CAMTA1: variants seen among roughly 807,000 people sequenced by gnomAD.
CAMTA1 encodes calmodulin binding transcription activator 1.
CAMTA1 carries 27 observed loss-of-function variants against 170.9 expected under a neutral mutation model. The ratio of observed to expected loss-of-function variants is 0.16; its 90% CI spans 0.12 to 0.22. CAMTA1 has a LOEUF of 0.22. CAMTA1 is among the 10% of genes least tolerant of loss of function. The pLI, the probability that CAMTA1 is intolerant of heterozygous loss-of-function variation, is 1.00. For synonymous variants in CAMTA1, 833 were observed against 891.5 expected (o/e 0.93, Z 1.17); for missense variants, 1,619 against 2,217.2 (o/e 0.73, Z 5.42).
chr1:7,606,093 T>C (rs757129195), intron 6 of CAMTA1, among the ~76,000 whole-genome samples: 3 of 152,212 alleles, frequency 2.0e-5, no homozygotes, highest in Non-Finnish European at 2.9e-5. Context: ...AAGAGGTCAC[T>C]CTGGCAAGTC....
At chr1:7,597,498 CAGA>C (rs2095409178) in intron 6 of CAMTA1, among the ~76,000 whole-genome samples, 1 of 152,140 alleles carries the variant, frequency 6.6e-6, no homozygotes, top group Non-Finnish European at 1.5e-5. Context: ...GTTGCTGCAG[CAGA>C]AGATGTGTTT....
chr1:7,758,745 C>T (rs949804205), intron 22 of CAMTA1, among the ~76,000 whole-genome samples: 4 of 152,098 alleles, frequency 2.6e-5, no homozygotes, highest in African/African-American at 9.6e-5. Flanking sequence ...ACCATCCTGG[C>T]TAACATGGTG....
chr1:7,248,287 G>A lies in CAMTA1; in HGVS notation c.303-1204G>A, dbSNP rs1666136913. 6.6e-6 allele frequency among the ~76,000 whole-genome samples: 1 copy of A among 152,226 alleles called. No homozygotes were observed. The highest frequency in any genetic ancestry group is 2.1e-4 in the South Asian group (1 of 4,836). Reference sequence around the variant, plus strand: ...TGCCCCAGCCCTGCGGGGGACAGATGGCTGACTTATGGTTTCCTCGCCTCC... The same window carrying A: ...TGCCCCAGCCCTGCGGGGGACAGATAGCTGACTTATGGTTTCCTCGCCTCC... On this transcript the variant is annotated intron_variant, in intron 4 of 22. Coordinates refer to ENST00000303635, the MANE Select transcript of CAMTA1 (RefSeq NM_015215.4). This position sits in a 1 kb window ranked among gnomAD's most constrained non-coding sequence, Gnocchi z 4.0.
In CAMTA1 at chr1:7,562,504, C is replaced by T. The variant is rs1043221885; in HGVS notation, c.511-77896C>T. Among the ~76,000 whole-genome samples the T allele has an allele frequency of 2.0e-5, 3 of 152,152 alleles. No individual in the cohort carries two copies. The highest frequency in any genetic ancestry group is 2.1e-4 in the South Asian group (1 of 4,830). ...GCAGACGGCTCTGCCCACTCCCGCC[C>T]GCCTGCGACACCTGTCCTGCTGCTC... On this transcript the variant is annotated intron_variant, in intron 6 of 22. Coordinates refer to ENST00000303635, the MANE Select transcript of CAMTA1 (RefSeq NM_015215.4). The surrounding 1 kb of genome is among the most constrained non-coding windows in gnomAD (Gnocchi z 4.8).
rs1055012196 is a variant in CAMTA1, at chr1:7,113,159, A to C, written c.302+21788A>C. ...TAAATTATTCAGTGAAACCCAGTCT[A>C]ACTTTATTAAGGCCAGAATCATCCT... is the stretch of plus-strand genomic sequence containing the variant. On this transcript the variant is annotated intron_variant, in intron 4 of 22. Coordinates refer to ENST00000303635, the MANE Select transcript of CAMTA1 (RefSeq NM_015215.4). This position sits in a 1 kb window ranked among gnomAD's most constrained non-coding sequence, Gnocchi z 4.5. Among the ~76,000 whole-genome samples the C allele has an allele frequency of 6.6e-6, 1 of 152,212 alleles. No homozygotes were observed. The highest frequency in any genetic ancestry group is 2.4e-5 in the African/African-American group (1 of 41,456).
At chr1:7,475,412 T>C (rs930946356) in intron 6 of CAMTA1, among the ~76,000 whole-genome samples, 1 of 152,166 alleles carries the variant, frequency 6.6e-6, no homozygotes, top group Non-Finnish European at 1.5e-5. Flanking sequence ...TTTGGACCCA[T>C]GTGCTTCAAG....
rs776262445 is a variant in CAMTA1 at position 6,941,603 on chromosome 1, G to A, written c.234+116393G>A. On this transcript the variant is annotated intron_variant, in intron 3 of 22. Coordinates refer to ENST00000303635, the MANE Select transcript of CAMTA1 (RefSeq NM_015215.4). ...CAGTGTTAATGAGCAGGTTAGCGCC[G>A]TGGGCAATTGGGGCCCTTCAGTGAC... Among the ~76,000 whole-genome samples, 43 of 152,220 alleles carry A rather than the reference G, an allele frequency of 2.8e-4. 1 individual carries two copies. Among genetic ancestry groups the A allele is most frequent in the African/African-American group, 3.9e-4 (16 of 41,458 alleles).
chr1:7,417,432 G>A (rs539492236), intron 5 of CAMTA1, among the ~76,000 whole-genome samples: 5 of 152,316 alleles, frequency 3.3e-5, no homozygotes, highest in South Asian at 4.1e-4. Flanking sequence ...CACCCAGTTC[G>A]AGCTTCCCGG....
At chr1:7,259,443 C>T (rs534453843) in intron 5 of CAMTA1, among the ~76,000 whole-genome samples, 1 of 152,260 alleles carries the variant, frequency 6.6e-6, no homozygotes, top group South Asian at 2.1e-4. Flanking sequence ...GAATTTCAGG[C>T]CCCAACCCAG....
intron 4 of CAMTA1, among the ~76,000 whole-genome samples, chr1:7,206,823 C>T (rs1657824065): frequency 6.6e-6 from 1 of 152,152 alleles, no homozygotes; most frequent in South Asian, 2.1e-4. Context: ...GTGCAAATGG[C>T]ACAGAAGCAG....
chr1:7,431,002 C>G (rs947629578), intron 5 of CAMTA1, among the ~76,000 whole-genome samples: 4 of 152,192 alleles, frequency 2.6e-5, no homozygotes, highest in Admixed American at 1.3e-4. Flanking sequence ...TTCAGCCTGA[C>G]TTTAATATGC....
At chr1:6,795,935 A>G (rs962235595) in intron 1 of CAMTA1, among the ~76,000 whole-genome samples, 1 of 152,196 alleles carries the variant, frequency 6.6e-6, no homozygotes, top group South Asian at 2.1e-4. Flanking sequence ...TGATAGTGCT[A>G]TAGTTCTCAT....
intron 3 of CAMTA1, among the ~76,000 whole-genome samples, chr1:6,877,693 C>T (rs190427305): frequency 3.5e-4 from 53 of 152,324 alleles, no homozygotes; most frequent in African/African-American, 1.1e-3. Flanking sequence ...CTGTCACATA[C>T]GCTGGCCACA....
In CAMTA1 at chr1:7,251,228, G is replaced by A. The variant is rs1452410403; in HGVS notation, c.438+1602G>A. Among the ~76,000 whole-genome samples the A allele has an allele frequency of 6.6e-6, 1 of 152,216 alleles. No homozygotes were observed. Among genetic ancestry groups the A allele is most frequent in the African/African-American group, 2.4e-5 (1 of 41,466 alleles). ...GTGGAATTCTTCCTCAGCAGCAGCT[G>A]AGAAGCCGAGGGGAGAAAACAACCC... On this transcript the variant is annotated intron_variant, in intron 5 of 22. Coordinates refer to ENST00000303635, the MANE Select transcript of CAMTA1 (RefSeq NM_015215.4). The surrounding 1 kb of genome is among the most constrained non-coding windows in gnomAD (Gnocchi z 5.1).
chr1:7,546,051 G>T (rs145020451), intron 6 of CAMTA1, among the ~76,000 whole-genome samples: 2,782 of 151,920 alleles, frequency 0.018, 58 homozygotes, highest in African/African-American at 0.057. Context: ...CACCTCCCGG[G>T]TTCACACCAG....
intron 3 of CAMTA1, among the ~76,000 whole-genome samples, chr1:6,924,549 C>A (rs1249243145): frequency 1.3e-5 from 2 of 152,128 alleles, no homozygotes; most frequent in Admixed American, 1.3e-4. Context: ...CACTGAGTGT[C>A]GACTCTGCCT....
intron 5 of CAMTA1, among the ~76,000 whole-genome samples, chr1:7,343,802 G>T (rs1026984564): frequency 1.3e-5 from 2 of 152,140 alleles, no homozygotes; most frequent in African/African-American, 4.8e-5. Context: ...CCCTTCTGTG[G>T]TCTTCTGGGG....
intron 4 of CAMTA1, among the ~76,000 whole-genome samples, chr1:7,105,458 CA>C (rs1009353677): frequency 6.6e-6 from 1 of 152,232 alleles, no homozygotes; most frequent in African/African-American, 2.4e-5. Context: ...AAGGGCATGA[CA>C]GGCCCACGGT....
intron 6 of CAMTA1, among the ~76,000 whole-genome samples, chr1:7,503,508 A>T (rs1440546833): frequency 6.6e-6 from 1 of 152,024 alleles, no homozygotes; most frequent in Non-Finnish European, 1.5e-5. Flanking sequence ...AAGGGGAGGG[A>T]ATGGTCGCTG....
Sources: gnomAD v4.1 joint callset for allele counts (sites outside exome capture counted in the v4.1 genomes callset) on GRCh38, gnomAD v4.1.1 for gene constraint, Gnocchi (gnomAD v3.1) non-coding constraint, MANE v1.5 for transcripts, NCBI Gene and HGNC (gene_info 2026-07-23, HGNC 2026-07-21) for gene names.